The following KALRN variants were observed in gnomAD, a reference collection of about 807,000 sequenced individuals.
KALRN encodes kalirin.
Under a neutral mutation model 353.7 loss-of-function variants are expected in KALRN, and 70 were observed. The observed-to-expected ratio is 0.20, with a 90% CI of 0.16 to 0.24. The LOEUF is 0.24. Among genes scored for constraint, KALRN ranks in the 10% least tolerant of loss-of-function variants. The pLI is 1.00. For synonymous variants in KALRN, 1,391 were observed against 1,434.8 expected (o/e 0.97, Z 0.69); for missense variants, 2,791 against 3,756.7 (o/e 0.74, Z 6.72).
intron 37 of KALRN, among the ~76,000 whole-genome samples, chr3:124,641,016 G>A (rs1354083): frequency 0.24 from 35,981 of 151,882 alleles, 4,578 homozygotes; most frequent in East Asian, 0.47. Context: ...TTTAGAATTC[G>A]TTTGGCTCCC....
intron 34 of KALRN, among the ~76,000 whole-genome samples, chr3:124,600,928 C>T (rs1469771446): frequency 6.6e-6 from 1 of 152,184 alleles, no homozygotes; most frequent in Admixed American, 6.5e-5. Flanking sequence ...ATAAACAGGG[C>T]TATGACTAAG....
At chr3:124,624,974 G>A (rs185099701) in intron 34 of KALRN, among the ~76,000 whole-genome samples, 118 of 152,190 alleles carry the variant, frequency 7.8e-4, no homozygotes, top group Non-Finnish European at 1.5e-3. Context: ...TTAACATATC[G>A]AGACTAGCCT....
chr3:124,459,677 A>G (rs2059665661), intron 23 of KALRN, among the ~76,000 whole-genome samples: 2 of 152,246 alleles, frequency 1.3e-5, no homozygotes, highest in African/African-American at 2.4e-5. Context: ...GTTACAAAGT[A>G]ACACATATCT....
intron 33 of KALRN, among the ~76,000 whole-genome samples, chr3:124,530,491 A>G (rs1487790597): frequency 1.3e-5 from 2 of 152,130 alleles, no homozygotes; most frequent in African/African-American, 4.8e-5. Context: ...TCCTGGGCTG[A>G]AGTGATCCTC....
At position 124,334,752 on chromosome 3, in the gene KALRN, A is replaced by G. The variant is rs2080950672; in HGVS notation, c.1647+257A>G. Among the ~76,000 whole-genome samples, 1 of 152,248 alleles carries G rather than the reference A, an allele frequency of 6.6e-6. No homozygotes were observed. Among genetic ancestry groups the G allele is most frequent in the Admixed American group, 6.5e-5 (1 of 15,288 alleles). Reference sequence around the variant, plus strand: ...GTATTGTAAAGGGAGACTCAGTCTCAGGAACTGCAATTCCTCGTAGTCATG... The same window carrying G: ...GTATTGTAAAGGGAGACTCAGTCTCGGGAACTGCAATTCCTCGTAGTCATG... On this transcript the variant is annotated intron_variant, in intron 9 of 59. Coordinates refer to ENST00000682506, the MANE Select transcript of KALRN (RefSeq NM_001388419.1). This position sits in a 1 kb window ranked among gnomAD's most constrained non-coding sequence, Gnocchi z 4.2.
chr3:124,340,091 G>A (rs2081536770), intron 9 of KALRN, among the ~76,000 whole-genome samples: 2 of 152,142 alleles, frequency 1.3e-5, no homozygotes, highest in Admixed American at 6.5e-5. Context: ...TGAACCCCCT[G>A]TTTACATAGA....
intron 9 of KALRN, among the ~76,000 whole-genome samples, chr3:124,337,572 A>C (rs749181840): frequency 6.6e-6 from 1 of 152,134 alleles, no homozygotes; most frequent in Non-Finnish European, 1.5e-5. Flanking sequence ...TTTTTGCGTC[A>C]ATGTTCATCA....
Position 124,281,717 on chromosome 3 carries a change from G to A in KALRN, c.969+12462G>A, listed in dbSNP as rs189175708. On this transcript the variant is annotated intron_variant, in intron 5 of 59. Transcript: ENST00000682506. ...AATTGTCCCTGTTCCATGCCATCTA[G>A]CATTATAGCTAGGTGCTCAAAGATC... 5.8e-3 allele frequency among the ~76,000 whole-genome samples: 883 copies of A among 152,240 alleles called. 4 individuals are homozygous for A. Among genetic ancestry groups the A allele is most frequent in the Non-Finnish European group, 8.2e-3 (559 of 68,020 alleles).
In KALRN at chr3:124,534,085, C is replaced by T. The variant is rs372967901; in HGVS notation, c.4936-28758C>T. On this transcript the variant is annotated intron_variant, in intron 33 of 59. Coordinates refer to ENST00000682506, the MANE Select transcript of KALRN (RefSeq NM_001388419.1). ...CAATTGAGAAATATTCTACAAAATACCTCACCAAAACTCAATATATTCAAA... is the reference window on the plus strand; with the variant it reads ...CAATTGAGAAATATTCTACAAAATATCTCACCAAAACTCAATATATTCAAA... 9.9e-5 allele frequency among the ~76,000 whole-genome samples: 15 copies of T among 152,204 alleles called. No individual in the cohort carries two copies. In the South Asian group the frequency reaches 3.1e-3, roughly 32 times the overall value.
intron 1 of KALRN, among the ~76,000 whole-genome samples, chr3:124,148,640 G>A (rs1488405492): frequency 2.0e-5 from 3 of 152,000 alleles, no homozygotes; most frequent in Non-Finnish European, 4.4e-5. Context: ...ATCAATTATT[G>A]AAATTAAGGA....
intron 37 of KALRN, among the ~76,000 whole-genome samples, chr3:124,639,473 G>A (rs1306769023): frequency 3.3e-5 from 5 of 152,178 alleles, no homozygotes; most frequent in Non-Finnish European, 7.3e-5. Context: ...TTTACACTTA[G>A]TGGGTTTTTC....
chr3:124,518,887 C>A (rs2066921882), intron 33 of KALRN: 1 of 1,019,812 alleles, frequency 9.8e-7, no homozygotes, highest in African/African-American at 1.7e-5. Context: ...CCAGGCTGAA[C>A]ATTTCTATTA....
At chr3:124,092,379 G>T (rs1481368795) in intron 1 of KALRN, among the ~76,000 whole-genome samples, 2 of 152,182 alleles carry the variant, frequency 1.3e-5, no homozygotes, top group Non-Finnish European at 2.9e-5. Flanking sequence ...TCCCGTTTCA[G>T]ATTTCTCCCA....
chr3:124,153,442 T>C (rs2149928218), intron 1 of KALRN, among the ~76,000 whole-genome samples: 1 of 151,410 alleles, frequency 6.6e-6, no homozygotes, highest in South Asian at 2.1e-4. Flanking sequence ...ACAAAGGACA[T>C]GAACTCATCA....
intron 1 of KALRN, among the ~76,000 whole-genome samples, chr3:124,048,631 G>A (rs1161762164): frequency 3.3e-5 from 5 of 151,858 alleles, no homozygotes; most frequent in Admixed American, 6.6e-5. Context: ...ACAGGCGCCC[G>A]CCACCTCGCC....
intron 10 of KALRN, among the ~76,000 whole-genome samples, chr3:124,354,679 G>T (rs2083195790): frequency 6.6e-6 from 1 of 152,214 alleles, no homozygotes; most frequent in African/African-American, 2.4e-5. Context: ...CAAAAGGCAT[G>T]TGTAACAAGT....
intron 51 of KALRN, among the ~76,000 whole-genome samples, chr3:124,690,266 C>T (rs1165720231): frequency 6.6e-6 from 1 of 152,166 alleles, no homozygotes; most frequent in Non-Finnish European, 1.5e-5. Context: ...ATGGGCCCTG[C>T]AGTCCATAGG....
chr3:124,664,403 A>G (rs1423981008), intron 45 of KALRN, among the ~76,000 whole-genome samples: 1 of 148,838 alleles, frequency 6.7e-6, no homozygotes, highest in East Asian at 2.0e-4. Flanking sequence ...ACCCACAAGC[A>G]CAGAATCAAG....
Position 124,078,630 on chromosome 3 carries a change from A to G in KALRN, c.73+44817A>G, listed in dbSNP as rs964166992. ...AGCAGAGACAACAAACATAGTCCTAACATCTCGAGGGCTTGCTGGAAGAAG... is the reference window on the plus strand; with the variant it reads ...AGCAGAGACAACAAACATAGTCCTAGCATCTCGAGGGCTTGCTGGAAGAAG... On this transcript the variant is annotated intron_variant, in intron 1 of 59. Coordinates refer to ENST00000682506, the MANE Select transcript of KALRN (RefSeq NM_001388419.1). Among the ~76,000 whole-genome samples, 92 of 152,296 alleles carry G rather than the reference A, an allele frequency of 6.0e-4. 1 individual carries two copies. Among genetic ancestry groups the G allele is most frequent in the African/African-American group, 1.6e-3 (66 of 41,558 alleles).
Sources: gnomAD v4.1 joint callset for allele counts (sites outside exome capture counted in the v4.1 genomes callset) on GRCh38, gnomAD v4.1.1 for gene constraint, Gnocchi (gnomAD v3.1) non-coding constraint, MANE v1.5 for transcripts, NCBI Gene and HGNC (gene_info 2026-07-23, HGNC 2026-07-21) for gene names.